CCDC150: variants seen among roughly 807,000 people sequenced by gnomAD.
CCDC150 encodes the protein coiled-coil domain containing 150, also known as coiled-coil domain-containing protein 150.
Under a neutral mutation model 156.5 loss-of-function variants are expected in CCDC150, and 151 were observed. The observed-to-expected ratio is 0.97, with a 90% CI of 0.85 to 1.10. The LOEUF (loss-of-function observed/expected upper bound fraction) is 1.10, where lower values mean the gene tolerates loss of function less well. CCDC150 is among the 50% of genes least tolerant of loss of function. The pLI is 0.00. For synonymous variants in CCDC150, 452 were observed against 429.4 expected (o/e 1.05, Z -0.65); for missense variants, 1,312 against 1,268.1 (o/e 1.03, Z -0.53).
chr2:196,684,837 C>T, intron 13 of CCDC150, among the ~76,000 whole-genome samples: 1 of 151,920 alleles, frequency 6.6e-6, no homozygotes, highest in South Asian at 2.1e-4. Flanking sequence ...TCTATTTTGT[C>T]TAATATTAGT....
At chr2:196,706,267 A>C (rs1181753828) in intron 15 of CCDC150, among the ~76,000 whole-genome samples, 1 of 152,108 alleles carries the variant, frequency 6.6e-6, no homozygotes, top group Non-Finnish European at 1.5e-5. Flanking sequence ...TAGGTATTTT[A>C]TTCTCTTTGA....
chr2:196,690,033 T>C lies in CCDC150; in HGVS notation c.1510-5013T>C, dbSNP rs75462159. Among the ~76,000 whole-genome samples, 12 of 152,348 alleles carry C rather than the reference T, an allele frequency of 7.9e-5. No individual in the cohort carries two copies. The East Asian group carries it at 2.1e-3, about 27-fold the overall frequency. On this transcript the variant is annotated intron_variant, in intron 13 of 27. Transcript: ENST00000389175. ...TGGTTTTTGTCTTTGGTTCTGTTTA[T>C]ACTATGCAGCCATAAAAAATGATGA... is the stretch of plus-strand genomic sequence containing the variant.
chr2:196,712,338 C>G (rs1329723638), intron 16 of CCDC150, 86 bp downstream of exon 16: 6 of 700,628 alleles, frequency 8.6e-6, no homozygotes, highest in African/African-American at 7.2e-5. Flanking sequence ...CTTTACCACA[C>G]AATCCCAGAA....
chr2:196,720,501 C>A, intron 19 of CCDC150, 74 bp from the exon 20 acceptor site: 1 of 1,214,552 alleles, frequency 8.2e-7, no homozygotes, highest in Non-Finnish European at 1.2e-6. Flanking sequence ...GAAAAGTGTT[C>A]TGTAACTCCC....
At chr2:196,669,525 A>G (rs1694067482) in intron 7 of CCDC150, among the ~76,000 whole-genome samples, 1 of 152,162 alleles carries the variant, frequency 6.6e-6, no homozygotes, top group Non-Finnish European at 1.5e-5. Flanking sequence ...AGTTACTTTA[A>G]CAGCTACTAA....
chr2:196,691,231 TAC>T (rs1310460875), intron 13 of CCDC150, among the ~76,000 whole-genome samples: 2 of 152,216 alleles, frequency 1.3e-5, no homozygotes, highest in Non-Finnish European at 2.9e-5. Context: ...TAGAATAAGT[TAC>T]AGAGTAGTCA....
intron 14 of CCDC150, among the ~76,000 whole-genome samples, chr2:196,699,838 A>G (rs1479882218): frequency 6.6e-6 from 1 of 152,180 alleles, no homozygotes; most frequent in Non-Finnish European, 1.5e-5. Context: ...CTTCTCATAG[A>G]AAATATCTTG....
chr2:196,704,146 T>C (rs1696429412), intron 15 of CCDC150, among the ~76,000 whole-genome samples: 1 of 152,216 alleles, frequency 6.6e-6, no homozygotes, highest in African/African-American at 2.4e-5. Flanking sequence ...TACATATGAA[T>C]TGTATTTGGT....
chr2:196,652,490 T>C (rs929337301), intron 2 of CCDC150, among the ~76,000 whole-genome samples: 1 of 152,244 alleles, frequency 6.6e-6, no homozygotes, highest in Non-Finnish European at 1.5e-5. Flanking sequence ...GGCACACTGG[T>C]ATGCCAGATG....
At chr2:196,693,778 G>A (rs945746097) in intron 13 of CCDC150, among the ~76,000 whole-genome samples, 1 of 152,144 alleles carries the variant, frequency 6.6e-6, no homozygotes, top group South Asian at 2.1e-4. Flanking sequence ...GGATTTTTAT[G>A]GATACATTTT....
rs568886595 is a variant in CCDC150 at position 196,646,394 on chromosome 2, C to T, written c.66C>T (p.Asn22=). 186 of 1,613,774 alleles carry T rather than the reference C, an allele frequency of 1.2e-4. 1 individual carries two copies. In the South Asian group the frequency reaches 1.8e-3, roughly 15 times the overall value. ...SRPVLSPTHI[N]ATASETFTVL... is the part of the protein sequence containing the mutation. ...CGGTCCTTTCTCCAACCCACATCAA[C>T]GCTACAGCTTCTGAAACATTCACAG... Residue 22 remains asparagine, a synonymous_variant, in exon 2 of 28, where the codon AAC becomes AAT. Transcript: ENST00000389175.
At chr2:196,687,106 T>A (rs1559243179) in intron 13 of CCDC150, among the ~76,000 whole-genome samples, 1 of 152,230 alleles carries the variant, frequency 6.6e-6, no homozygotes, top group Non-Finnish European at 1.5e-5. Context: ...GAATGATGTA[T>A]ATTCCTTTGG....
At chr2:196,646,793 TAAAAA>T (rs1166059921) in intron 2 of CCDC150, among the ~76,000 whole-genome samples, 1 of 146,112 alleles carries the variant, frequency 6.8e-6, no homozygotes, top group African/African-American at 2.5e-5. Flanking sequence ...TTTCATGTAA[TAAAAA>T]AAGATTTGTT....
chr2:196,705,960 T>C (rs1226522678), intron 15 of CCDC150, among the ~76,000 whole-genome samples: 1 of 152,246 alleles, frequency 6.6e-6, no homozygotes, highest in Non-Finnish European at 1.5e-5. Context: ...TGCAGCCTTA[T>C]AGTATAGTTG....
At position 196,674,347 on chromosome 2, in the gene CCDC150, A is replaced by G. The variant is rs377569192; in HGVS notation, c.1136A>G (p.Gln379Arg). Residue 379 changes from glutamine (Q) to arginine (R), a missense_variant and splice_region_variant, in exon 10 of 28, where the codon CAG becomes CGG. Physicochemically the swap from Gln to Arg is conservative, Grantham distance 43. Transcript: ENST00000389175. ...RIIADHQAIL[Q>R]VEQKMMTQTF... ...ATTGCTGACCATCAGGCCATTCTGC[A>G]GGTATTCGTTTAACATGAAAGCCAA... 3 of 1,589,570 alleles carry G rather than the reference A, an allele frequency of 1.9e-6. No homozygotes were observed. Among genetic ancestry groups the G allele is most frequent in the Non-Finnish European group, 2.6e-6 (3 of 1,165,964 alleles).
chr2:196,686,168 TC>T, intron 13 of CCDC150: 1 of 279,718 alleles, frequency 3.6e-6, no homozygotes, highest in Non-Finnish European at 7.0e-6. Flanking sequence ...TATCACATGA[TC>T]AACAAACTGC....
chr2:196,692,704 G>A lies in CCDC150; in HGVS notation c.1510-2342G>A, dbSNP rs1005927594. Among the ~76,000 whole-genome samples the A allele has an allele frequency of 4.6e-5, 7 of 152,138 alleles. No individual in the cohort carries two copies. The South Asian group carries it at 6.2e-4, about 14-fold the overall frequency. On this transcript the variant is annotated intron_variant, in intron 13 of 27. Transcript: ENST00000389175. ...GGTCCAAGAGACTGTTATAATTTCC[G>A]TTCTTTCACATTTGCTGAGGAGTGT...
chr2:196,711,467 G>A (rs1038089602), intron 15 of CCDC150, among the ~76,000 whole-genome samples: 2 of 152,116 alleles, frequency 1.3e-5, no homozygotes, highest in African/African-American at 4.8e-5. Flanking sequence ...GTTCGGTAAC[G>A]TTAATTGTTG....
intron 10 of CCDC150, among the ~76,000 whole-genome samples, chr2:196,675,931 A>G (rs946197745): frequency 2.6e-5 from 4 of 152,208 alleles, no homozygotes; most frequent in Non-Finnish European, 4.4e-5. Context: ...ACTATTGGCT[A>G]GTAGAGCTAT....
Sources: gnomAD v4.1 joint callset for allele counts (sites outside exome capture counted in the v4.1 genomes callset) on GRCh38, gnomAD v4.1.1 for gene constraint, MANE v1.5 for transcripts, NCBI Gene and HGNC (gene_info 2026-07-23, HGNC 2026-07-21) for gene names.